Variants in HNF1B observed in about 807,000 individuals in gnomAD.
HNF1B encodes the protein HNF1 homeobox B.
HNF1B carries 8 observed loss-of-function variants against 61.7 expected under a neutral mutation model. The observed-to-expected ratio is 0.13, with a 90% CI of 0.08 to 0.23. HNF1B has a LOEUF of 0.23. Ranked by LOEUF, HNF1B falls within the 10% of genes least tolerant of loss-of-function variation. The pLI, the probability that HNF1B is intolerant of heterozygous loss-of-function variation, is 1.00. For synonymous variants in HNF1B, 314 were observed against 287.7 expected (o/e 1.09, Z -0.93); for missense variants, 562 against 714.5 (o/e 0.79, Z 2.43).
chr17:37,692,213 A>G (rs1341413828), intron 8 of HNF1B, among the ~76,000 whole-genome samples: 1 of 152,246 alleles, frequency 6.6e-6, no homozygotes, highest in East Asian at 1.9e-4. Flanking sequence ...CCTGACCTGT[A>G]ATCCCCAAGG....
At chr17:37,716,842 ATCTC>A (rs55634127) in intron 4 of HNF1B, among the ~76,000 whole-genome samples, 9,096 of 130,858 alleles carry the variant, frequency 0.07, 344 homozygotes, top group East Asian at 0.19. Flanking sequence ...CACTTTAACA[ATCTC>A]TCTCTCTCTC....
At chr17:37,721,075 T>C in intron 4 of HNF1B, 1 of 427,494 alleles carries the variant, frequency 2.3e-6, no homozygotes, top group Non-Finnish European at 3.1e-6. Context: ...CCCAGTCCAA[T>C]GGGTGCCAAG....
intron 4 of HNF1B, among the ~76,000 whole-genome samples, chr17:37,717,612 G>A (rs1314550830): frequency 6.6e-6 from 1 of 152,218 alleles, no homozygotes; most frequent in Non-Finnish European, 1.5e-5. Context: ...CCAGTACTGT[G>A]TCCTGATAAC....
At chr17:37,698,083 C>A (rs569318367) in intron 8 of HNF1B, among the ~76,000 whole-genome samples, 12 of 152,192 alleles carry the variant, frequency 7.9e-5, no homozygotes, top group Non-Finnish European at 1.6e-4. Context: ...CATGAAGGAA[C>A]CTCCTGGGAA....
intron 4 of HNF1B, chr17:37,721,019 T>G: frequency 2.2e-6 from 2 of 890,494 alleles, no homozygotes; most frequent in Non-Finnish European, 2.7e-6. Context: ...TGTTTAAGGG[T>G]TTTCCACTCT....
intron 7 of HNF1B, 122 bp from the exon 8 acceptor site, chr17:37,699,316 G>A (rs1284977031): frequency 1.3e-6 from 1 of 792,916 alleles, no homozygotes; most frequent in Non-Finnish European, 2.3e-6. Context: ...GGTGGTTATA[G>A]TGGGGATTTC....
At chr17:37,718,174 C>T (rs2033186479) in intron 4 of HNF1B, among the ~76,000 whole-genome samples, 1 of 152,016 alleles carries the variant, frequency 6.6e-6, no homozygotes, top group Admixed American at 6.6e-5. Flanking sequence ...AATCTTTCAT[C>T]AAAAGCACCT....
intron 3 of HNF1B, among the ~76,000 whole-genome samples, chr17:37,732,152 C>A (rs1185353633): frequency 6.6e-6 from 1 of 152,148 alleles, no homozygotes; most frequent in Non-Finnish European, 1.5e-5. Flanking sequence ...CCAGATGGGG[C>A]TTCCTTATTT....
At position 37,699,166 on chromosome 17, in the gene HNF1B, C is replaced by CT; in HGVS notation, c.1562dup (p.Tyr522ValfsTer29). ...ATGGAAACCGGGAGGTGTGGGAATA[C>CT]TGGGGGGGTTCCTGCTTGTGTGCGT... On this transcript the variant is annotated frameshift_variant, in exon 8 of 9. Transcript: ENST00000617811. LOFTEE classifies it high-confidence loss of function. 6.2e-7 allele frequency: 1 copy of CT among 1,614,122 alleles called. No individual in the cohort carries two copies. Among genetic ancestry groups the CT allele is most frequent in the Non-Finnish European group, 8.5e-7 (1 of 1,180,006 alleles).
chr17:37,724,709 A>G (rs1200734195), intron 4 of HNF1B, among the ~76,000 whole-genome samples: 4 of 152,238 alleles, frequency 2.6e-5, no homozygotes, highest in African/African-American at 4.8e-5. Flanking sequence ...GGTGCTACAA[A>G]GGCACAGTTG....
rs775376615 is a variant in HNF1B, at chr17:37,744,740, A to C, written c.145T>G (p.Ser49Ala). Residue 49 changes from serine to alanine, a missense_variant, in exon 1 of 9, where the codon TCC (serine) becomes GCC (alanine). Coordinates refer to ENST00000617811, the MANE Select transcript of HNF1B (RefSeq NM_000458.4). ...TCGGGCTCGGCCCCGCTGCCAGGGG[A>C]CAGGGGCAGCGTCTCCAGCTTCACC... Reference protein sequence around the residue: ...FGVKLETLPLSPGSGAEPDTK... With the variant: ...FGVKLETLPLAPGSGAEPDTK... 6.2e-7 allele frequency: 1 copy of C among 1,613,408 alleles called. No individual in the cohort carries two copies.
intron 4 of HNF1B, among the ~76,000 whole-genome samples, chr17:37,718,740 C>T (rs1405136251): frequency 6.6e-6 from 1 of 152,242 alleles, no homozygotes; most frequent in Non-Finnish European, 1.5e-5. Context: ...AGGGCAGGAC[C>T]TTGTCTGTAT....
chr17:37,742,672 C>A (rs2034030419), intron 1 of HNF1B, among the ~76,000 whole-genome samples: 1 of 152,078 alleles, frequency 6.6e-6, no homozygotes, highest in South Asian at 2.1e-4. Context: ...TCTCCCTGCC[C>A]TGCTGGGGCC....
At chr17:37,719,976 A>T (rs1348361248) in intron 4 of HNF1B, among the ~76,000 whole-genome samples, 1 of 152,122 alleles carries the variant, frequency 6.6e-6, no homozygotes, top group Non-Finnish European at 1.5e-5. Flanking sequence ...CATCAGTATC[A>T]TTATCACCAT....
chr17:37,717,542 T>C (rs893039856), intron 4 of HNF1B, among the ~76,000 whole-genome samples: 2 of 152,236 alleles, frequency 1.3e-5, no homozygotes, highest in African/African-American at 2.4e-5. Context: ...ATCTTTTCTA[T>C]GAAGCCAAAT....
At chr17:37,688,489 T>C (rs531120141) in intron 8 of HNF1B, among the ~76,000 whole-genome samples, 2 of 152,020 alleles carry the variant, frequency 1.3e-5, no homozygotes, top group East Asian at 3.9e-4. Context: ...CATAACCCTA[T>C]ATGAGGATAC....
intron 8 of HNF1B, among the ~76,000 whole-genome samples, chr17:37,693,376 A>G (rs1370053329): frequency 6.6e-6 from 1 of 152,068 alleles, no homozygotes; most frequent in Non-Finnish European, 1.5e-5. Flanking sequence ...TTTATAGATG[A>G]AGAAACTGAG....
At chr17:37,724,903 C>CGTGT (rs34210303) in intron 4 of HNF1B, among the ~76,000 whole-genome samples, 2,950 of 145,350 alleles carry the variant, frequency 0.02, 57 homozygotes, top group Non-Finnish European at 0.026. Flanking sequence ...TATATGTATG[C>CGTGT]GTGTGTGTGT....
chr17:37,709,423 TA>T (rs2032860264), intron 5 of HNF1B, among the ~76,000 whole-genome samples: 1 of 150,220 alleles, frequency 6.7e-6, no homozygotes, highest in African/African-American at 2.5e-5. Context: ...CTAATTTTTG[TA>T]TTTTTTTTTT....
Sources: gnomAD v4.1 joint callset for allele counts (sites outside exome capture counted in the v4.1 genomes callset) on GRCh38, gnomAD v4.1.1 for gene constraint, MANE v1.5 for transcripts, NCBI Gene and HGNC (gene_info 2026-07-23, HGNC 2026-07-21) for gene names.